Variants in NRG3 observed in about 807,000 individuals in gnomAD.
The protein encoded by NRG3 is pro-neuregulin-3, membrane-bound isoform.
NRG3 carries 31 observed loss-of-function variants against 66.9 expected under a neutral mutation model. That is an observed-to-expected ratio of 0.46 (90% CI 0.35 to 0.63). The LOEUF is 0.63. Ranked by LOEUF, NRG3 falls within the 20% of genes least tolerant of loss-of-function variation. The pLI, the probability that NRG3 is intolerant of heterozygous loss-of-function variation, is 0.00. For missense variants in NRG3, 910 were observed against 878.9 expected, an observed-to-expected ratio of 1.04 and a Z score of -0.45; for synonymous variants, 393 against 359.4, an observed-to-expected ratio of 1.09 and a Z score of -1.06.
rs80261142 is a variant in NRG3, at chr10:82,744,200, A to G, written c.1027+5550A>G. On this transcript the variant is annotated intron_variant, in intron 3 of 8. Transcript: ENST00000372141. ...TTCCCCAGATAATTAAGCATATGTAACATATACCATGCTTTGGATCCAAAT... is the reference window on the plus strand; with the variant it reads ...TTCCCCAGATAATTAAGCATATGTAGCATATACCATGCTTTGGATCCAAAT... Among the ~76,000 whole-genome samples, 823 of 152,300 alleles carry G rather than the reference A, an allele frequency of 5.4e-3. 8 individuals are homozygous for G. The highest frequency in any genetic ancestry group is 0.018 in the African/African-American group (752 of 41,566).
chr10:82,154,578 A>G (rs1341209502), intron 1 of NRG3, among the ~76,000 whole-genome samples: 2 of 150,896 alleles, frequency 1.3e-5, no homozygotes, highest in African/African-American at 2.4e-5. Context: ...TATAAATTTT[A>G]GAATTGTTTT....
chr10:82,612,972 T>C (rs1180285571), intron 2 of NRG3, among the ~76,000 whole-genome samples: 1 of 152,192 alleles, frequency 6.6e-6, no homozygotes, highest in Non-Finnish European at 1.5e-5. Flanking sequence ...TTTTCTAAAG[T>C]CAATGTGATT....
intron 1 of NRG3, among the ~76,000 whole-genome samples, chr10:82,234,008 C>T (rs1018603924): frequency 6.6e-6 from 1 of 152,128 alleles, no homozygotes; most frequent in Non-Finnish European, 1.5e-5. Flanking sequence ...CACATTTATA[C>T]TCCTAGCTGC....
chr10:82,760,734 G>A (rs2059269760), intron 3 of NRG3, among the ~76,000 whole-genome samples: 1 of 151,878 alleles, frequency 6.6e-6, no homozygotes, highest in Admixed American at 6.6e-5. Flanking sequence ...AATAAAATCA[G>A]CATACAGAAG....
chr10:82,631,683 G>A (rs975850616), intron 2 of NRG3, among the ~76,000 whole-genome samples: 2 of 151,138 alleles, frequency 1.3e-5, no homozygotes, highest in African/African-American at 2.4e-5. Flanking sequence ...CATAAGGCAA[G>A]ATAGCCCCAT....
At chr10:81,882,455 G>A (rs958930860) in intron 1 of NRG3, among the ~76,000 whole-genome samples, 5 of 152,050 alleles carry the variant, frequency 3.3e-5, no homozygotes, top group Admixed American at 2.6e-4. Context: ...AACAATATTT[G>A]TTTGTATATT....
intron 4 of NRG3, among the ~76,000 whole-genome samples, chr10:82,928,698 T>C (rs1180208660): frequency 6.6e-6 from 1 of 152,094 alleles, no homozygotes; most frequent in African/African-American, 2.4e-5. Flanking sequence ...TCTGCTATTG[T>C]AGTACAAAAG....
Position 82,041,484 on chromosome 10 carries a change from C to CTCTAAACCTAA in NRG3, c.823+165323_823+165333dup, listed in dbSNP as rs1468610217. Among the ~76,000 whole-genome samples, 3 of 151,948 alleles carry CTCTAAACCTAA rather than the reference C, an allele frequency of 2.0e-5. No individual in the cohort carries two copies. In the East Asian group the frequency reaches 5.8e-4, roughly 30 times the overall value. ...ATCTGCCTCATTCTACTGGATCTAT[C>CTCTAAACCTAA]TCTAAACCTAATTGCTTGCATACTG... On this transcript the variant is annotated intron_variant, in intron 1 of 8. Transcript: ENST00000372141.
At chr10:81,906,403 C>T (rs985096696) in intron 1 of NRG3, among the ~76,000 whole-genome samples, 1 of 152,094 alleles carries the variant, frequency 6.6e-6, no homozygotes, top group African/African-American at 2.4e-5. Flanking sequence ...GTTGTGAATA[C>T]TATTTTAAAT....
chr10:82,304,620 G>A (rs558445016), intron 1 of NRG3, among the ~76,000 whole-genome samples: 3 of 152,148 alleles, frequency 2.0e-5, no homozygotes, highest in African/African-American at 7.2e-5. Flanking sequence ...AGCTCATGTG[G>A]TTGTTGGCAG....
rs577067121 is a variant in NRG3 at position 82,097,037 on chromosome 10, G to A, written c.823+220874G>A. 2.8e-4 allele frequency among the ~76,000 whole-genome samples: 42 copies of A among 152,196 alleles called. No homozygotes were observed. In the South Asian group the frequency reaches 6.0e-3, roughly 22 times the overall value. ...CATAGAGTAACTACCACCACGATTA[G>A]ATACAGAACAATTTCCTTATCCCAA... On this transcript the variant is annotated intron_variant, in intron 1 of 8. Coordinates refer to ENST00000372141, the MANE Select transcript of NRG3 (RefSeq NM_001010848.4).
intron 2 of NRG3, among the ~76,000 whole-genome samples, chr10:82,507,057 A>G (rs1844746278): frequency 6.6e-6 from 1 of 152,192 alleles, no homozygotes; most frequent in Admixed American, 6.5e-5. Flanking sequence ...AATTGTGTTC[A>G]GAACAATGCT....
chr10:82,966,925 T>C (rs73313244), intron 6 of NRG3, among the ~76,000 whole-genome samples: 1 of 150,132 alleles, frequency 6.7e-6, no homozygotes, highest in African/African-American at 2.5e-5. Flanking sequence ...GTTTTCAGGG[T>C]TTTTTTTTGT....
At position 82,137,264 on chromosome 10, in the gene NRG3, C is replaced by T. The variant is rs575506253; in HGVS notation, c.824-221475C>T. 1.3e-4 allele frequency among the ~76,000 whole-genome samples: 20 copies of T among 152,240 alleles called. No homozygotes were observed. In the South Asian group the frequency reaches 2.3e-3, roughly 17 times the overall value. On this transcript the variant is annotated intron_variant, in intron 1 of 8. Transcript: ENST00000372141. ...CACTTGAGATTCTCAGTCAGGATTG[C>T]GCTTTTAGAACCAACTCTCTGCTCT...
intron 1 of NRG3, among the ~76,000 whole-genome samples, chr10:82,201,845 C>G (rs1418880094): frequency 3.9e-5 from 6 of 152,116 alleles, no homozygotes; most frequent in Non-Finnish European, 7.4e-5. Flanking sequence ...ATTTGACATT[C>G]ATTTCATCGT....
chr10:82,474,518 G>C (rs542778354), intron 2 of NRG3, among the ~76,000 whole-genome samples: 3 of 152,116 alleles, frequency 2.0e-5, no homozygotes, highest in Admixed American at 2.0e-4. Flanking sequence ...AGAAACAGAA[G>C]AACTAATCAT....
rs184190782 is a variant in NRG3 at position 82,537,612 on chromosome 10, A to G, written c.953+178744A>G. Among the ~76,000 whole-genome samples the G allele has an allele frequency of 6.8e-4, 104 of 152,340 alleles. 2 individuals are homozygous for G. The highest frequency in any genetic ancestry group is 1.5e-4 in the Non-Finnish European group (10 of 68,026). On this transcript the variant is annotated intron_variant, in intron 2 of 8. Transcript: ENST00000372141. ...GAGCAAAAGATATTTTAAATTACAT[A>G]AAAGTGTTATACAGCCTTCAAGTAA...
At chr10:82,070,718 A>C (rs1192692830) in intron 1 of NRG3, among the ~76,000 whole-genome samples, 1 of 152,228 alleles carries the variant, frequency 6.6e-6, no homozygotes, top group East Asian at 1.9e-4. Flanking sequence ...AAAAGAAGAA[A>C]TAAAAACTAC....
At chr10:82,255,870 C>T (rs2077702156) in intron 1 of NRG3, among the ~76,000 whole-genome samples, 1 of 152,106 alleles carries the variant, frequency 6.6e-6, no homozygotes, top group Admixed American at 6.5e-5. Context: ...TCCCAAACTG[C>T]TGGGATCACA....
Sources: allele counts gnomAD v4.1 joint callset (sites outside exome capture counted in the v4.1 genomes callset), GRCh38; gene constraint gnomAD v4.1.1; transcripts MANE v1.5; gene names NCBI Gene and HGNC (gene_info 2026-07-23, HGNC 2026-07-21).